The following AFAP1L2 variants were observed in gnomAD, a reference collection of about 807,000 sequenced individuals.
AFAP1L2 encodes the protein actin filament-associated protein 1-like 2.
Under a neutral mutation model 99.3 loss-of-function variants are expected in AFAP1L2, and 46 were observed. The ratio of observed to expected loss-of-function variants is 0.46; its 90% CI spans 0.37 to 0.59. The LOEUF (loss-of-function observed/expected upper bound fraction) is 0.59, where lower values mean the gene tolerates loss of function less well. Ranked by LOEUF, AFAP1L2 falls within the 20% of genes least tolerant of loss-of-function variation. The probability of loss-of-function intolerance (pLI) is 0.00; values close to 1 mark genes in which losing one functional copy is unlikely to be tolerated. For missense variants in AFAP1L2, 959 were observed against 1,034.9 expected (o/e 0.93, Z 1.01); for synonymous variants, 397 against 419.1 (o/e 0.95, Z 0.64).
rs5788062 is a variant in AFAP1L2, at chr10:114,397,122, GAA to G, written c.16+7316_16+7317del. ...CTTTATTGAGGTTAATTTACACACAGAAAAAAAAAAAGCCCTTTTAACTACAC... is the reference window on the plus strand; with the variant it reads ...CTTTATTGAGGTTAATTTACACACAGAAAAAAAAAGCCCTTTTAACTACAC... On this transcript the variant is annotated intron_variant, in intron 1 of 18. Transcript: ENST00000304129. Among the ~76,000 whole-genome samples the G allele has an allele frequency of 1.1e-3, 162 of 148,806 alleles. 1 individual carries two copies. The highest frequency in any genetic ancestry group is 3.7e-3 in the African/African-American group (151 of 40,560).
At position 114,302,503 on chromosome 10, in the gene AFAP1L2, A is replaced by T. The variant is rs777309539; in HGVS notation, c.1285-19T>A. ...ACTTGGCCTGGAACGAGGCCAAGAG[A>T]GACATAAGCAGGGCCAGGCAGTGCT... On this transcript the variant is annotated intron_variant, in intron 11 of 18. Transcript: ENST00000304129. The T allele has an allele frequency of 6.2e-7, 1 of 1,613,436 alleles. No individual in the cohort carries two copies.
At chr10:114,365,513 T>C (rs961605830) in intron 1 of AFAP1L2, among the ~76,000 whole-genome samples, 9 of 152,154 alleles carry the variant, frequency 5.9e-5, no homozygotes, top group Non-Finnish European at 1.0e-4. Flanking sequence ...TAGGATCAGG[T>C]TGAGAAAGAT....
At chr10:114,359,430 G>A (rs1181198758) in intron 1 of AFAP1L2, among the ~76,000 whole-genome samples, 2 of 152,188 alleles carry the variant, frequency 1.3e-5, no homozygotes, top group African/African-American at 4.8e-5. Context: ...TGGAGCAACT[G>A]GGAAATGAAA....
Position 114,297,331 on chromosome 10 carries a change from G to A in AFAP1L2, c.2196C>T (p.Asp732=). The stretch of plus-strand genomic sequence containing the variant: ...TCACCTCCATGATGCTGAGCTCCAG[G>A]TCCACGCGCCTGCTCTCCTCGCCCC... ...ECRGEESRRV[D]LELSIMEVKD... The change falls in exon 17 of 19, where the codon GAC becomes GAT. Residue 732 remains aspartate, a synonymous_variant. Transcript: ENST00000304129. 6.2e-7 allele frequency: 1 copy of A among 1,613,858 alleles called. No homozygotes were observed. The highest frequency in any genetic ancestry group is 8.5e-7 in the Non-Finnish European group (1 of 1,180,008).
intron 1 of AFAP1L2, among the ~76,000 whole-genome samples, chr10:114,379,238 G>A (rs2055256800): frequency 6.6e-6 from 1 of 150,622 alleles, no homozygotes; most frequent in African/African-American, 2.4e-5. Context: ...GAATAAACTG[G>A]TTATCACTGG....
At chr10:114,325,687 G>A (rs898482022) in intron 4 of AFAP1L2, among the ~76,000 whole-genome samples, 6 of 152,208 alleles carry the variant, frequency 3.9e-5, no homozygotes, top group East Asian at 1.9e-4. Flanking sequence ...GACAATGAGC[G>A]TGCCATTGGT....
chr10:114,333,138 G>T (rs1842569291), intron 3 of AFAP1L2, 83 bp downstream of exon 3: 1 of 1,267,920 alleles, frequency 7.9e-7, no homozygotes, highest in South Asian at 1.3e-5. Context: ...TGGGAGGAAA[G>T]AGAGGTGGGA....
At chr10:114,291,592 T>G (rs2039603670), downstream of AFAP1L2, 4 of 239,282 alleles carry the variant, frequency 1.7e-5, no homozygotes, top group Admixed American at 1.5e-4. Flanking sequence ...GACTTAAATT[T>G]AGCGGCCTGA....
chr10:114,304,680 ACCCTGGCTGGCCCTGCT>A (rs1211940539), intron 11 of AFAP1L2, 22 bp downstream of exon 11: 3 of 1,534,206 alleles, frequency 2.0e-6, no homozygotes, highest in Non-Finnish European at 2.6e-6. Context: ...CCACCGCCAC[ACCCTGGCTGGCCCTGCT>A]CCCCCTGCAG....
intron 1 of AFAP1L2, among the ~76,000 whole-genome samples, chr10:114,396,568 G>C (rs1237526377): frequency 1.3e-5 from 2 of 152,174 alleles, no homozygotes; most frequent in Non-Finnish European, 2.9e-5. Context: ...AGCTAGCATA[G>C]ACAAGCAGGA....
At chr10:114,333,113 G>C in intron 3 of AFAP1L2, 108 bp downstream of exon 3, 1 of 1,020,494 alleles carries the variant, frequency 9.8e-7, no homozygotes, top group South Asian at 1.4e-5. Flanking sequence ...CCGCCAGGCG[G>C]GTCTGTGTGC....
At chr10:114,335,090 A>G (rs1336166613) in intron 2 of AFAP1L2, among the ~76,000 whole-genome samples, 2 of 152,212 alleles carry the variant, frequency 1.3e-5, no homozygotes, top group Non-Finnish European at 2.9e-5. Flanking sequence ...GCACATCAAC[A>G]TATATAACAG....
intron 10 of AFAP1L2, chr10:114,305,280 TGCAGGAGGGGATGCGGAC>T (rs1378420372): frequency 3.6e-5 from 11 of 305,058 alleles, no homozygotes; most frequent in Non-Finnish European, 6.2e-5. Context: ...GGCACGCGGA[TGCAGGAGGGGATGCGGAC>T]GCAGGAGGGG....
chr10:114,361,525 C>A lies in AFAP1L2; in HGVS notation c.17-20794G>T, dbSNP rs1402448472. ...TTAAACCGAAAGCCGGGGGACAGTACTCACTCAAGATCAGTACTCCCATCA... is the reference window on the plus strand; with the variant it reads ...TTAAACCGAAAGCCGGGGGACAGTAATCACTCAAGATCAGTACTCCCATCA... On this transcript the variant is annotated intron_variant, in intron 1 of 18. Transcript: ENST00000304129. 4.6e-5 allele frequency among the ~76,000 whole-genome samples: 7 copies of A among 152,182 alleles called. No individual in the cohort carries two copies. The South Asian group carries it at 1.4e-3, about 32-fold the overall frequency.
At chr10:114,304,406 G>C (rs1263618740) in intron 11 of AFAP1L2, among the ~76,000 whole-genome samples, 1 of 152,132 alleles carries the variant, frequency 6.6e-6, no homozygotes, top group East Asian at 1.9e-4. Context: ...CTCCCAGCTG[G>C]TGATACCCAA....
At chr10:114,355,429 A>G (rs2051212369) in intron 1 of AFAP1L2, among the ~76,000 whole-genome samples, 1 of 151,686 alleles carries the variant, frequency 6.6e-6, no homozygotes, top group African/African-American at 2.4e-5. Context: ...TGATGCTCAC[A>G]TCCCTGTGCG....
intron 1 of AFAP1L2, among the ~76,000 whole-genome samples, chr10:114,375,840 G>C (rs1024551792): frequency 6.6e-6 from 1 of 152,052 alleles, no homozygotes; most frequent in Non-Finnish European, 1.5e-5. Flanking sequence ...GCCAGGCATA[G>C]TCCCAGCTAC....
chr10:114,385,356 T>C (rs1413175452), intron 1 of AFAP1L2, among the ~76,000 whole-genome samples: 2 of 152,156 alleles, frequency 1.3e-5, no homozygotes, highest in African/African-American at 4.8e-5. Context: ...CCTAAAGGAA[T>C]GCACCAAGAT....
At chr10:114,310,531 G>T in intron 7 of AFAP1L2, 88 bp from the exon 8 acceptor site, 1 of 1,172,242 alleles carries the variant, frequency 8.5e-7, no homozygotes, top group Non-Finnish European at 1.2e-6. Flanking sequence ...CTGCAGGTCA[G>T]GGGAGAGTGG....
Sources: allele counts gnomAD v4.1 joint callset (sites outside exome capture counted in the v4.1 genomes callset), GRCh38; gene constraint gnomAD v4.1.1; transcripts MANE v1.5; gene names NCBI Gene and HGNC (gene_info 2026-07-23, HGNC 2026-07-21).